Variants in PAK5 observed in about 807,000 individuals in gnomAD.
PAK5 encodes the protein serine/threonine-protein kinase PAK 5.
A neutral mutation model predicts 65.9 loss-of-function variants in PAK5; 16 were observed. The ratio of observed to expected loss-of-function variants is 0.24; its 90% CI spans 0.16 to 0.37. PAK5 has a LOEUF of 0.37. Among genes scored for constraint, PAK5 ranks in the 10% least tolerant of loss-of-function variants. The pLI, the probability that PAK5 is intolerant of heterozygous loss-of-function variation, is 1.00. For missense variants in PAK5, 785 were observed against 903.9 expected, an observed-to-expected ratio of 0.87 and a Z score of 1.69; for synonymous variants, 371 against 354.9, an observed-to-expected ratio of 1.05 and a Z score of -0.51.
chr20:9,611,648 CCTGT>C (rs1167848359), intron 3 of PAK5, among the ~76,000 whole-genome samples: 1 of 152,200 alleles, frequency 6.6e-6, no homozygotes, highest in Non-Finnish European at 1.5e-5. Flanking sequence ...TAAACTTCAG[CCTGT>C]CTGTTTGTTT....
At chr20:9,762,516 G>T (rs1240976237) in intron 1 of PAK5, among the ~76,000 whole-genome samples, 1 of 151,912 alleles carries the variant, frequency 6.6e-6, no homozygotes, top group East Asian at 1.9e-4. Flanking sequence ...ATATTAAAAG[G>T]CACCTGACAT....
At chr20:9,549,517 A>G (rs2045395094) in intron 7 of PAK5, among the ~76,000 whole-genome samples, 1 of 152,180 alleles carries the variant, frequency 6.6e-6, no homozygotes. Context: ...CTCTCAACCA[A>G]CTAGCATGAA....
In PAK5 at chr20:9,636,055, T is replaced by A. The variant is rs1052732434; in HGVS notation, c.204+8070A>T. 3.3e-5 allele frequency among the ~76,000 whole-genome samples: 5 copies of A among 152,262 alleles called. No individual in the cohort carries two copies. In the South Asian group the frequency reaches 6.2e-4, roughly 19 times the overall value. On this transcript the variant is annotated intron_variant, in intron 3 of 9. Transcript: ENST00000353224. ...ATTCTGACCAACAAGGAAGACCACA[T>A]CAGTTATGCGTAATTGAGAAGGAAC...
At chr20:9,802,910 G>GTGTGTATATATA (rs142279832) in intron 1 of PAK5, among the ~76,000 whole-genome samples, 58 of 46,372 alleles carry the variant, frequency 1.3e-3, no homozygotes, top group Admixed American at 2.7e-3. Context: ...ATATGTATGT[G>GTGTGTATATATA]TATATATATA....
intron 2 of PAK5, among the ~76,000 whole-genome samples, chr20:9,695,996 T>C (rs1214363238): frequency 1.3e-5 from 2 of 152,090 alleles, no homozygotes; most frequent in African/African-American, 4.8e-5. Flanking sequence ...TTAGTTTTAA[T>C]AATATATTTT....
intron 2 of PAK5, among the ~76,000 whole-genome samples, chr20:9,672,797 A>G (rs1459095564): frequency 3.3e-5 from 5 of 152,208 alleles, no homozygotes; most frequent in Non-Finnish European, 7.3e-5. Context: ...CTTTCCTTTT[A>G]CTTTGCCCAC....
chr20:9,650,453 T>C (rs1398383365), intron 2 of PAK5, among the ~76,000 whole-genome samples: 1 of 152,200 alleles, frequency 6.6e-6, no homozygotes, highest in Non-Finnish European at 1.5e-5. Flanking sequence ...GGGTATTTAT[T>C]ACCCTGGTTT....
At chr20:9,735,156 G>A (rs1375052592) in intron 1 of PAK5, among the ~76,000 whole-genome samples, 1 of 152,116 alleles carries the variant, frequency 6.6e-6, no homozygotes, top group Non-Finnish European at 1.5e-5. Context: ...GTGGTGCAGG[G>A]AGGGGGAACC....
chr20:9,617,854 A>G (rs142829045), intron 3 of PAK5, among the ~76,000 whole-genome samples: 4,785 of 152,146 alleles, frequency 0.031, 102 homozygotes, highest in Non-Finnish European at 0.045. Context: ...GACGCCCGGC[A>G]AGAATCCCAA....
chr20:9,808,651 T>C (rs147223881), intron 1 of PAK5, among the ~76,000 whole-genome samples: 32 of 152,310 alleles, frequency 2.1e-4, no homozygotes, highest in Non-Finnish European at 4.4e-4. Flanking sequence ...TGATTCCATT[T>C]ATATGAAATG....
chr20:9,562,904 C>T lies in PAK5; in HGVS notation c.1603G>A (p.Val535Met). The change falls in exon 6 of 10, where the codon GTG becomes ATG. Residue 535 changes from valine to methionine, a missense_variant. Coordinates refer to ENST00000353224, the MANE Select transcript of PAK5 (RefSeq NM_177990.4). ...AAAGAAGCCTACCTGGTGTGAGTCA[C>T]AATGTCTGTCAAGGCACCACCTTCT... ...FLEGGALTDI[V>M]THTRMNEEQI... 6.2e-7 allele frequency: 1 copy of T among 1,613,706 alleles called. No individual in the cohort carries two copies. The highest frequency in any genetic ancestry group is 8.5e-7 in the Non-Finnish European group (1 of 1,179,804).
At chr20:9,807,303 C>T (rs559287759) in intron 1 of PAK5, among the ~76,000 whole-genome samples, 2 of 152,280 alleles carry the variant, frequency 1.3e-5, no homozygotes, top group African/African-American at 2.4e-5. Context: ...TCCTCCATTT[C>T]AAATGCCATG....
At chr20:9,788,227 C>T (rs2049013947) in intron 1 of PAK5, among the ~76,000 whole-genome samples, 1 of 151,920 alleles carries the variant, frequency 6.6e-6, no homozygotes, top group Non-Finnish European at 1.5e-5. Flanking sequence ...ACATCTCAAC[C>T]AGGGAAGCAC....
intron 1 of PAK5, among the ~76,000 whole-genome samples, chr20:9,749,486 T>G (rs1013686663): frequency 6.6e-6 from 1 of 152,158 alleles, no homozygotes; most frequent in Non-Finnish European, 1.5e-5. Context: ...GAAAACTGTT[T>G]TGTACATAGC....
In PAK5 at chr20:9,790,108, C is replaced by G. The variant is rs867819315; in HGVS notation, c.-162+48654G>C. Among the ~76,000 whole-genome samples the G allele has an allele frequency of 1.7e-4, 26 of 152,268 alleles. No individual in the cohort carries two copies. The Middle Eastern group carries it at 0.01, about 60-fold the overall frequency. ...TTTCCATGACAGCCCAAAGAGCCTG[C>G]TTTATGCAGAGGCAAAGGAAGCTGT... is the stretch of plus-strand genomic sequence containing the variant. On this transcript the variant is annotated intron_variant, in intron 1 of 9. Transcript: ENST00000353224.
intron 4 of PAK5, among the ~76,000 whole-genome samples, chr20:9,569,422 T>G (rs1472190724): frequency 6.6e-6 from 1 of 152,144 alleles, no homozygotes; most frequent in Non-Finnish European, 1.5e-5. Context: ...GTGTAAGAGA[T>G]GGTCTGAGGA....
chr20:9,658,652 C>G (rs927818628), intron 2 of PAK5, among the ~76,000 whole-genome samples: 1 of 152,124 alleles, frequency 6.6e-6, no homozygotes, highest in Non-Finnish European at 1.5e-5. Flanking sequence ...CAATAAGTAA[C>G]AGTGGCATGC....
At position 9,746,595 on chromosome 20, in the gene PAK5, A is replaced by AAC. The variant is rs147469600; in HGVS notation, c.-161-35161_-161-35160insGT. Among the ~76,000 whole-genome samples the AAC allele has an allele frequency of 5.0e-3, 757 of 152,280 alleles. 4 individuals carry two copies. The highest frequency in any genetic ancestry group is 8.2e-3 in the Non-Finnish European group (559 of 68,010). ...TCTGCAATGCTGGAAATGTTCCATAAAAAAAGATAATTATGCACTAATTCA... is the reference window on the plus strand; with the variant it reads ...TCTGCAATGCTGGAAATGTTCCATAAACAAAAAGATAATTATGCACTAATTCA... On this transcript the variant is annotated intron_variant, in intron 1 of 9. Transcript: ENST00000353224.
At chr20:9,703,779 C>A (rs537158297) in intron 2 of PAK5, among the ~76,000 whole-genome samples, 46 of 152,138 alleles carry the variant, frequency 3.0e-4, no homozygotes, top group African/African-American at 1.1e-3. Context: ...GGTCCACTCC[C>A]GGGTGGGTTT....
Sources: gnomAD v4.1 joint callset for allele counts (sites outside exome capture counted in the v4.1 genomes callset) on GRCh38, gnomAD v4.1.1 for gene constraint, MANE v1.5 for transcripts, NCBI Gene and HGNC (gene_info 2026-07-23, HGNC 2026-07-21) for gene names.